Variants in MCF2L observed in about 807,000 individuals in gnomAD.
MCF2L encodes MCF.2 cell line derived transforming sequence like, also known as guanine nucleotide exchange factor DBS.
A neutral mutation model predicts 153.4 loss-of-function variants in MCF2L; 97 were observed. The ratio of observed to expected loss-of-function variants is 0.63; its 90% CI spans 0.54 to 0.75. The LOEUF (loss-of-function observed/expected upper bound fraction) is 0.75, where lower values mean the gene tolerates loss of function less well. Among genes scored for constraint, MCF2L ranks in the 30% least tolerant of loss-of-function variants. MCF2L has a pLI of 0.00. For synonymous variants in MCF2L, 659 were observed against 632.2 expected (o/e 1.04, Z -0.64); for missense variants, 1,347 against 1,495.2 (o/e 0.90, Z 1.64).
chr13:112,933,184 G>A (rs2081481332), intron 2 of MCF2L, among the ~76,000 whole-genome samples: 1 of 152,236 alleles, frequency 6.6e-6, no homozygotes, highest in African/African-American at 2.4e-5. Flanking sequence ...GCCCCGCAGG[G>A]GTTGGCTCCA....
chr13:113,024,216 G>C (rs1033028514), intron 2 of MCF2L, among the ~76,000 whole-genome samples: 14 of 152,200 alleles, frequency 9.2e-5, no homozygotes, highest in African/African-American at 3.1e-4. Context: ...GGTTATTAGT[G>C]CACATGCATA....
intron 27 of MCF2L, 89 bp from the exon 28 acceptor site, chr13:113,096,282 G>A: frequency 9.6e-7 from 1 of 1,038,098 alleles, no homozygotes; most frequent in Non-Finnish European, 1.4e-6. Context: ...GGGGCAGGGC[G>A]CTAAGGCCCG....
At chr13:113,033,360 C>T (rs1248109795) in intron 3 of MCF2L, among the ~76,000 whole-genome samples, 5 of 61,052 alleles carry the variant, frequency 8.2e-5, no homozygotes, top group South Asian at 1.2e-3. Context: ...GACCCCGTGG[C>T]GTGAGTGGCC....
At chr13:113,060,162 TG>T (rs2031135783) in intron 4 of MCF2L, among the ~76,000 whole-genome samples, 1 of 152,144 alleles carries the variant, frequency 6.6e-6, no homozygotes, top group Admixed American at 6.5e-5. Context: ...GCAAATTCTC[TG>T]GGAGCTCTCC....
intron 2 of MCF2L, among the ~76,000 whole-genome samples, chr13:112,929,215 T>G (rs1389415001): frequency 1.3e-5 from 2 of 152,218 alleles, no homozygotes; most frequent in Non-Finnish European, 2.9e-5. Context: ...CTGATCAGTT[T>G]TATATTGGTT....
intron 26 of MCF2L, 24 bp downstream of exon 26, chr13:113,089,752 C>T (rs1341603245): frequency 1.9e-6 from 3 of 1,604,942 alleles, no homozygotes; most frequent in Non-Finnish European, 1.7e-6. Context: ...GGGACCGGGC[C>T]TCACACGGAG....
At position 112,945,234 on chromosome 13, in the gene MCF2L, T is replaced by C. The variant is rs112223849; in HGVS notation, c.169+42863T>C. Among the ~76,000 whole-genome samples the C allele has an allele frequency of 4.3e-3, 661 of 152,280 alleles. 10 individuals carry two copies. Among genetic ancestry groups the C allele is most frequent in the African/African-American group, 0.015 (619 of 41,550 alleles). On this transcript the variant is annotated intron_variant, in intron 2 of 29. Transcript: ENST00000375608. ...CTATTCTGCATGATCCATGACATTA[T>C]GCACTTCTCAAGACCTAAAACTGCA...
At chr13:113,038,167 T>C (rs1472102082) in intron 3 of MCF2L, among the ~76,000 whole-genome samples, 1 of 152,040 alleles carries the variant, frequency 6.6e-6, no homozygotes, top group Admixed American at 6.6e-5. Context: ...CAAAATGTTA[T>C]TGAAAGAAAT....
intron 2 of MCF2L, among the ~76,000 whole-genome samples, chr13:112,942,617 C>T (rs1361850261): frequency 6.6e-6 from 1 of 152,180 alleles, no homozygotes; most frequent in East Asian, 1.9e-4. Flanking sequence ...CTACAGTCCA[C>T]CTGTCTGATT....
At chr13:112,978,124 C>T (rs1290919407) in intron 1 of MCF2L, among the ~76,000 whole-genome samples, 9 of 152,226 alleles carry the variant, frequency 5.9e-5, no homozygotes, top group African/African-American at 1.7e-4. Context: ...GGAAACACCA[C>T]GCGAAATGCG....
intron 26 of MCF2L, chr13:113,090,767 A>G (rs1224207187): frequency 1.0e-6 from 1 of 985,344 alleles, no homozygotes; most frequent in Non-Finnish European, 1.2e-6. Context: ...GTGTTTTCCA[A>G]TTTATAAAAT....
chr13:112,917,367 T>C, intron 2 of MCF2L: 1 of 351,718 alleles, frequency 2.8e-6, no homozygotes, highest in Non-Finnish European at 5.6e-6. Flanking sequence ...CTCATGCCCG[T>C]ATCCGACCTC....
intron 5 of MCF2L, among the ~76,000 whole-genome samples, chr13:113,063,228 C>T (rs899930600): frequency 1.3e-5 from 2 of 152,210 alleles, no homozygotes; most frequent in Non-Finnish European, 2.9e-5. Flanking sequence ...GGCCTGCGGG[C>T]GAGTGGGACC....
chr13:113,000,481 A>G (rs2083318193), intron 1 of MCF2L, among the ~76,000 whole-genome samples: 2 of 152,100 alleles, frequency 1.3e-5, no homozygotes, highest in African/African-American at 2.4e-5. Context: ...TGCAGCGTGG[A>G]GATGAGAGTC....
intron 1 of MCF2L, among the ~76,000 whole-genome samples, chr13:113,006,526 A>T (rs944540132): frequency 3.9e-5 from 6 of 152,168 alleles, no homozygotes; most frequent in Non-Finnish European, 7.4e-5. Context: ...TTCCAGGTGC[A>T]GCTGCCAGTG....
At chr13:113,084,620 G>A in intron 18 of MCF2L, 1 of 504,916 alleles carries the variant, frequency 2.0e-6, no homozygotes, top group Non-Finnish European at 3.5e-6. Context: ...TGGCTGCGGT[G>A]GAACCCCGTC....
intron 1 of MCF2L, chr13:112,979,784 A>T (rs1413341244): frequency 3.1e-6 from 5 of 1,598,736 alleles, no homozygotes; most frequent in Non-Finnish European, 3.4e-6. Context: ...GTCGCAGGGC[A>T]TGGGGGCAGG....
rs555534613 is a variant in MCF2L at position 113,078,582 on chromosome 13, C to T, written c.1735-84C>T. ...GTGGGAATTCAGCCCTGTCCCCATA[C>T]GGGAACTGGTGGGCTCTGGCCTTGA... On this transcript the variant is annotated intron_variant, in intron 14 of 29. Transcript: ENST00000535094. 5.9e-5 allele frequency: 85 copies of T among 1,429,824 alleles called. 2 individuals are homozygous for T. The South Asian group carries it at 6.9e-4, about 12-fold the overall frequency. The allele number at this position is 1,429,824 out of a possible 1,614,324, so 88.6% of individuals were successfully genotyped here.
rs144739980 is a variant in MCF2L, at chr13:112,924,683, T to C, written c.169+22312T>C. ...GTTCTCCCTGAATTAATGCATACACTTAAGGAGCCCCAATAAACACATCAT... is the reference window on the plus strand; with the variant it reads ...GTTCTCCCTGAATTAATGCATACACCTAAGGAGCCCCAATAAACACATCAT... On this transcript the variant is annotated intron_variant, in intron 2 of 29. Coordinates refer to the MCF2L transcript ENST00000375608. Among the ~76,000 whole-genome samples, 862 of 152,294 alleles carry C rather than the reference T, an allele frequency of 5.7e-3. 9 individuals carry two copies. The highest frequency in any genetic ancestry group is 0.02 in the African/African-American group (820 of 41,548).
Sources: allele counts gnomAD v4.1 joint callset (sites outside exome capture counted in the v4.1 genomes callset), GRCh38; gene constraint gnomAD v4.1.1; transcripts MANE v1.5; gene names NCBI Gene and HGNC (gene_info 2026-07-23, HGNC 2026-07-21).